The following FHIT variants were observed in gnomAD, a reference collection of about 807,000 sequenced individuals.
The protein encoded by FHIT is fragile histidine triad diadenosine triphosphatase.
In FHIT, 19 loss-of-function variants were observed where a neutral mutation model predicts 17.9. The observed-to-expected ratio is 1.06, with a 90% CI of 0.74 to 1.56. FHIT has a LOEUF of 1.56. FHIT is among the 40% of genes most tolerant of loss of function. The pLI is 0.00. For missense variants in FHIT, 248 were observed against 189.2 expected (o/e 1.31, Z -1.82); for synonymous variants, 81 against 69.7 (o/e 1.16, Z -0.81).
chr3:61,156,857 A>G (rs921009528), intron 2 of FHIT, among the ~76,000 whole-genome samples: 2 of 152,196 alleles, frequency 1.3e-5, no homozygotes, highest in African/African-American at 4.8e-5. Flanking sequence ...ATCTATTTGC[A>G]TCACATTATA....
chr3:60,227,404 G>T (rs1056963060), intron 5 of FHIT, among the ~76,000 whole-genome samples: 1 of 152,148 alleles, frequency 6.6e-6, no homozygotes, highest in Non-Finnish European at 1.5e-5. Context: ...CAAGTCAGAG[G>T]AAGTGAAGAA....
chr3:60,808,454 T>A (rs1701471586), intron 4 of FHIT, among the ~76,000 whole-genome samples: 1 of 152,184 alleles, frequency 6.6e-6, no homozygotes, highest in Non-Finnish European at 1.5e-5. Context: ...TTAGGTTCAT[T>A]TTCTTTGAGA....
At chr3:60,229,458 G>A (rs956128222) in intron 5 of FHIT, among the ~76,000 whole-genome samples, 1 of 150,930 alleles carries the variant, frequency 6.6e-6, no homozygotes, top group Admixed American at 6.6e-5. Flanking sequence ...AGAAAAGAAA[G>A]AAAGAAAAGA....
Position 61,239,204 on chromosome 3 carries a change from G to A in FHIT, c.-213+12097C>T, listed in dbSNP as rs920961379. ...ATCCAACCACAATACTGAGATCCAGGGACAGGAGCATTACCCATGGGAAAA... is the reference window on the plus strand; with the variant it reads ...ATCCAACCACAATACTGAGATCCAGAGACAGGAGCATTACCCATGGGAAAA... On this transcript the variant is annotated intron_variant, in intron 1 of 9. Coordinates refer to ENST00000492590, the MANE Select transcript of FHIT (RefSeq NM_002012.4). Among the ~76,000 whole-genome samples the A allele has an allele frequency of 2.0e-4, 30 of 152,242 alleles. 1 individual carries two copies. Among genetic ancestry groups the A allele is most frequent in the African/African-American group, 7.0e-4 (29 of 41,550 alleles).
At chr3:60,687,944 T>A (rs1157471853) in intron 4 of FHIT, among the ~76,000 whole-genome samples, 2 of 152,164 alleles carry the variant, frequency 1.3e-5, no homozygotes, top group Non-Finnish European at 2.9e-5. Context: ...TTTGATTCTA[T>A]TTCATCTAAA....
At chr3:60,497,220 G>A (rs1184235636) in intron 5 of FHIT, among the ~76,000 whole-genome samples, 3 of 151,944 alleles carry the variant, frequency 2.0e-5, no homozygotes, top group Admixed American at 6.6e-5. Flanking sequence ...GGTCCAAAAT[G>A]GCAATGGTTA....
At chr3:60,118,423 A>T (rs1705080550) in intron 5 of FHIT, among the ~76,000 whole-genome samples, 1 of 151,464 alleles carries the variant, frequency 6.6e-6, no homozygotes, top group South Asian at 2.1e-4. Context: ...TTAATTTTTT[A>T]AATTTAACTT....
chr3:60,014,234 C>G, intron 5 of FHIT, 82 bp from the exon 6 acceptor site: 2 of 1,406,844 alleles, frequency 1.4e-6, no homozygotes, highest in Non-Finnish European at 2.0e-6. Flanking sequence ...AGGATTGAAT[C>G]CTCTCGGACC....
intron 4 of FHIT, among the ~76,000 whole-genome samples, chr3:60,780,667 C>G (rs1455041872): frequency 6.6e-6 from 1 of 152,156 alleles, no homozygotes; most frequent in Non-Finnish European, 1.5e-5. Context: ...ACAGCGCCCC[C>G]TCTCAGCAGG....
intron 1 of FHIT, among the ~76,000 whole-genome samples, chr3:61,212,368 G>T (rs918540340): frequency 6.6e-6 from 1 of 152,170 alleles, no homozygotes; most frequent in African/African-American, 2.4e-5. Flanking sequence ...GAAGCCTCAG[G>T]AGCCGATGCG....
At chr3:60,875,176 C>T (rs1445558446) in intron 3 of FHIT, among the ~76,000 whole-genome samples, 1 of 152,158 alleles carries the variant, frequency 6.6e-6, no homozygotes, top group African/African-American at 2.4e-5. Flanking sequence ...CACCTACATA[C>T]TTGAACCCAT....
At chr3:60,254,374 G>A (rs1705877136) in intron 5 of FHIT, among the ~76,000 whole-genome samples, 1 of 152,126 alleles carries the variant, frequency 6.6e-6, no homozygotes. Flanking sequence ...AGATTTGTGA[G>A]TGGGCTTGTA....
chr3:61,091,446 A>G (rs921555643), intron 2 of FHIT, among the ~76,000 whole-genome samples: 46 of 152,308 alleles, frequency 3.0e-4, no homozygotes, highest in Non-Finnish European at 4.6e-4. Context: ...TAGATAATCA[A>G]TCTATGTCAG....
At chr3:60,413,233 T>C (rs1702126918) in intron 5 of FHIT, among the ~76,000 whole-genome samples, 1 of 152,084 alleles carries the variant, frequency 6.6e-6, no homozygotes, top group African/African-American at 2.4e-5. Flanking sequence ...GAAGGAAAAT[T>C]TATTAAATAG....
At chr3:59,952,534 C>T (rs1211401617) in intron 7 of FHIT, among the ~76,000 whole-genome samples, 9 of 152,334 alleles carry the variant, frequency 5.9e-5, no homozygotes, top group South Asian at 2.1e-4. Flanking sequence ...TCAATGATCT[C>T]GGCTTGTGGT....
chr3:61,122,375 A>C (rs2036484571), intron 2 of FHIT, among the ~76,000 whole-genome samples: 1 of 152,218 alleles, frequency 6.6e-6, no homozygotes, highest in Non-Finnish European at 1.5e-5. Flanking sequence ...TACAGACTTA[A>C]ATGTTAGACC....
intron 4 of FHIT, among the ~76,000 whole-genome samples, chr3:60,804,640 T>C (rs995392443): frequency 2.0e-5 from 3 of 152,240 alleles, no homozygotes; most frequent in Non-Finnish European, 4.4e-5. Context: ...GAGTCTGAGA[T>C]AGCTCGGCCT....
intron 4 of FHIT, among the ~76,000 whole-genome samples, chr3:60,817,558 T>G (rs549415718): frequency 6.6e-6 from 1 of 151,996 alleles, no homozygotes; most frequent in Non-Finnish European, 1.5e-5. Flanking sequence ...TTTAAAAACA[T>G]CATTTCAATT....
chr3:60,396,066 G>A (rs1044952527), intron 5 of FHIT, among the ~76,000 whole-genome samples: 1 of 152,046 alleles, frequency 6.6e-6, no homozygotes, highest in Admixed American at 6.6e-5. Context: ...ACTAGCTGGG[G>A]CTGATACCGC....
Sources: allele counts gnomAD v4.1 joint callset (sites outside exome capture counted in the v4.1 genomes callset), GRCh38; gene constraint gnomAD v4.1.1; transcripts MANE v1.5; gene names NCBI Gene and HGNC (gene_info 2026-07-23, HGNC 2026-07-21).